Variants in CALB1 observed in about 807,000 individuals in gnomAD.
The protein encoded by CALB1 is calbindin 1, also known as calbindin.
In CALB1, 16 loss-of-function variants were observed where a neutral mutation model predicts 46.7. That is an observed-to-expected ratio of 0.34 (90% confidence interval 0.23 to 0.52). The LOEUF (loss-of-function observed/expected upper bound fraction) is 0.52, where lower values mean the gene tolerates loss of function less well. Among genes scored for constraint, CALB1 ranks in the 20% least tolerant of loss-of-function variants. The pLI, the probability that CALB1 is intolerant of heterozygous loss-of-function variation, is 0.95. For synonymous variants in CALB1, 90 were observed against 112.8 expected (o/e 0.80, Z 1.28); for missense variants, 224 against 300.3 (o/e 0.75, Z 1.88).
intron 9 of CALB1, chr8:90,061,249 C>T (rs1814291570): frequency 6.6e-6 from 1 of 152,266 alleles, no homozygotes; most frequent in South Asian, 2.1e-4. Flanking sequence ...TTCAAAGTCT[C>T]AAAGCAGGTA....
In CALB1 at chr8:90,078,456, A is replaced by C; in HGVS notation, c.157-9T>G. ...ATTTCAGGTGATAACTCCTAAAATTATATAAAAGCAGGTAGGAGGTTTGTT... is the reference window on the plus strand; with the variant it reads ...ATTTCAGGTGATAACTCCTAAAATTCTATAAAAGCAGGTAGGAGGTTTGTT... On this transcript the variant is annotated splice_polypyrimidine_tract_variant and intron_variant, in intron 2 of 10. Coordinates refer to ENST00000265431, the MANE Select transcript of CALB1 (RefSeq NM_004929.4). 1 of 1,470,260 alleles carries C rather than the reference A, an allele frequency of 6.8e-7. No individual in the cohort carries two copies. The highest frequency in any genetic ancestry group is 1.2e-5 in the South Asian group (1 of 83,576). The allele number at this position is 1,470,260 out of a possible 1,614,324, so 91.1% of individuals were successfully genotyped here. A position where few individuals can be genotyped will look rare whatever the true frequency, so the allele number is the denominator to read the frequency against.
At chr8:90,069,369 G>A (rs1458731012) in intron 3 of CALB1, 132 bp from the exon 4 acceptor site, 2 of 698,622 alleles carry the variant, frequency 2.9e-6, no homozygotes, top group African/African-American at 3.6e-5. Flanking sequence ...AAAAACATTA[G>A]AGTCGGCTTT....
intron 2 of CALB1, chr8:90,081,589 T>C: frequency 2.5e-6 from 1 of 402,788 alleles, no homozygotes; most frequent in South Asian, 1.0e-4. Context: ...AATTTAAAAA[T>C]TACCTAATCA....
chr8:90,065,016 AG>A (rs1814366790), intron 6 of CALB1, among the ~76,000 whole-genome samples: 1 of 151,832 alleles, frequency 6.6e-6, no homozygotes, highest in Admixed American at 6.6e-5. Flanking sequence ...CTAATATAAC[AG>A]TAGCTTTTAT....
intron 3 of CALB1, among the ~76,000 whole-genome samples, chr8:90,071,544 T>C (rs1814517738): frequency 6.6e-6 from 1 of 152,122 alleles, no homozygotes; most frequent in African/African-American, 2.4e-5. Flanking sequence ...GGAGGGATTC[T>C]GAAGAATATC....
At chr8:90,082,148 G>A in intron 1 of CALB1, 46 bp from the exon 2 acceptor site, 1 of 1,502,382 alleles carries the variant, frequency 6.7e-7, no homozygotes, top group Non-Finnish European at 9.2e-7. Flanking sequence ...CTCATTCCAA[G>A]TGTCTTTCCC....
At position 90,060,022 on chromosome 8, in the gene CALB1, C is replaced by G. The variant is rs1290701357; in HGVS notation, c.*151G>C. The G allele has an allele frequency of 3.3e-6, 2 of 606,960 alleles. No individual in the cohort carries two copies. The highest frequency in any genetic ancestry group is 1.9e-5 in the African/African-American group (1 of 54,002). 37.6% of individuals were successfully genotyped at this position (606,960 alleles called of 1,614,324 possible). ...CTGTATATTACAAACAGTATAGAAA[C>G]AAGCTGAAAAGAATGAGCCACACAT... On this transcript the variant is annotated 3_prime_UTR_variant, in exon 11 of 11. Coordinates refer to ENST00000265431, the MANE Select transcript of CALB1 (RefSeq NM_004929.4).
chr8:90,076,093 T>C (rs1814618765), intron 3 of CALB1, among the ~76,000 whole-genome samples: 1 of 152,072 alleles, frequency 6.6e-6, no homozygotes, highest in South Asian at 2.1e-4. Context: ...CCAATCAGTT[T>C]ATATGTATCT....
intron 5 of CALB1, among the ~76,000 whole-genome samples, 198 bp downstream of exon 5, chr8:90,068,800 T>A (rs530756979): frequency 6.6e-6 from 1 of 152,184 alleles, no homozygotes; most frequent in African/African-American, 2.4e-5. Context: ...TTTTTTGCAT[T>A]ACTGTACAGA....
chr8:90,063,418 G>T lies in CALB1; in HGVS notation c.494C>A (p.Thr165Asn), dbSNP rs1457517054. ...DSNNDGKLELTEMARLLPVQE... is the reference protein window; with the variant it reads ...DSNNDGKLELNEMARLLPVQE... ...TTCCTAAACTCACCTGGCCATCTCA[G>T]TTAATTCCAGCTTCCCATCATTATT... The change falls in exon 7 of 11, where the codon ACT becomes AAT. Residue 165 changes from threonine to asparagine, a missense_variant. Physicochemically the swap from Thr to Asn is moderately conservative, Grantham distance 65. Transcript: ENST00000265431. The T allele has an allele frequency of 1.2e-6, 2 of 1,610,852 alleles. No individual in the cohort carries two copies. Among genetic ancestry groups the T allele is most frequent in the East Asian group, 4.5e-5 (2 of 44,716 alleles).
chr8:90,071,147 G>T (rs1018997827), intron 3 of CALB1, among the ~76,000 whole-genome samples: 2 of 152,030 alleles, frequency 1.3e-5, no homozygotes, highest in Non-Finnish European at 2.9e-5. Context: ...GTAATAGAGT[G>T]GTTTGGTTGC....
At chr8:90,073,611 C>T (rs943237661) in intron 3 of CALB1, among the ~76,000 whole-genome samples, 5 of 152,214 alleles carry the variant, frequency 3.3e-5, no homozygotes, top group African/African-American at 1.2e-4. Flanking sequence ...CTCTTCCACT[C>T]AGATCTGCTT....
chr8:90,060,221 C>T lies in CALB1; in HGVS notation c.738G>A (p.Lys246=). Residue 246 remains lysine (K), a synonymous_variant, in exon 11 of 11, where the codon AAG becomes AAA. Transcript: ENST00000265431. ...TAAGAGCAAGATCCGTTCGGTACAGCTTCCCTCCATCCGACAAAGCCATTA... is the reference window on the plus strand; with the variant it reads ...TAAGAGCAAGATCCGTTCGGTACAGTTTCCCTCCATCCGACAAAGCCATTA... ...KNIMALSDGG[K]LYRTDLALIL... is the part of the protein sequence containing the mutation. 6.2e-7 allele frequency: 1 copy of T among 1,613,832 alleles called. No individual in the cohort carries two copies. The highest frequency in any genetic ancestry group is 1.1e-5 in the South Asian group (1 of 91,084).
intron 6 of CALB1, chr8:90,064,554 T>G (rs1387663030): frequency 5.9e-5 from 9 of 151,850 alleles, no homozygotes; most frequent in Non-Finnish European, 1.3e-4. Flanking sequence ...CTGAGTGGGT[T>G]TTGAAAGGCT....
At chr8:90,082,490 T>A (rs1406496106) in intron 1 of CALB1, 129 bp downstream of exon 1, 8 of 770,228 alleles carry the variant, frequency 1.0e-5, no homozygotes, top group Admixed American at 2.1e-5. Flanking sequence ...AAGATAAGAT[T>A]AGGCAGAAGG....
At chr8:90,064,621 G>A (rs1484089986) in intron 6 of CALB1, among the ~76,000 whole-genome samples, 1 of 151,630 alleles carries the variant, frequency 6.6e-6, no homozygotes, top group African/African-American at 2.4e-5. Context: ...CCTTAAGATT[G>A]GAACAAAATA....
Position 90,068,979 on chromosome 8 carries a change from C to CTA in CALB1, c.372+18_372+19insTA. 1 of 1,579,638 alleles carries CTA rather than the reference C, an allele frequency of 6.3e-7. No homozygotes were observed. Among genetic ancestry groups the CTA allele is most frequent in the Non-Finnish European group, 8.6e-7 (1 of 1,158,432 alleles). ...TGCATCTGAAAGGAAAAACTTAGTA[C>CTA]AAGTTTTTATTTGCTTACCTTAAGC... On this transcript the variant is annotated intron_variant, in intron 5 of 10. Coordinates refer to ENST00000265431, the MANE Select transcript of CALB1 (RefSeq NM_004929.4).
At chr8:90,074,595 G>T (rs766521069) in intron 3 of CALB1, among the ~76,000 whole-genome samples, 19 of 152,302 alleles carry the variant, frequency 1.2e-4, no homozygotes, top group South Asian at 2.1e-4. Context: ...AAATTCTGTG[G>T]TGGAAAAGTA....
Position 90,072,954 on chromosome 8 carries a change from G to A in CALB1, c.232-3717C>T, listed in dbSNP as rs146486816. Among the ~76,000 whole-genome samples, 337 of 151,454 alleles carry A rather than the reference G, an allele frequency of 2.2e-3. 9 individuals are homozygous for A. Among genetic ancestry groups the A allele is most frequent in the Non-Finnish European group, 4.1e-4 (28 of 67,920 alleles). On this transcript the variant is annotated intron_variant, in intron 3 of 10. Transcript: ENST00000265431. ...AAGGAAATAAGTAGAATCCCTCAGA[G>A]CTTCATTTCTGAGAACTGATTGCTT...
Sources: allele counts gnomAD v4.1 joint callset (sites outside exome capture counted in the v4.1 genomes callset), GRCh38; gene constraint gnomAD v4.1.1; transcripts MANE v1.5; gene names NCBI Gene and HGNC (gene_info 2026-07-23, HGNC 2026-07-21).